FRMD8: variants seen among roughly 807,000 people sequenced by gnomAD.
FRMD8 encodes FERM domain containing 8, also known as FERM domain-containing protein 8.
In FRMD8, 37 loss-of-function variants were observed where a neutral mutation model predicts 54.2. That is an observed-to-expected ratio of 0.68 (90% CI 0.53 to 0.90). FRMD8 has a LOEUF of 0.90. Among genes scored for constraint, FRMD8 ranks in the 40% least tolerant of loss-of-function variants. The pLI is 0.00. For synonymous variants in FRMD8, 246 were observed against 286.9 expected (o/e 0.86, Z 1.44); for missense variants, 585 against 653.7 (o/e 0.89, Z 1.15).
chr11:65,403,590 T>C, intron 9 of FRMD8, among the ~76,000 whole-genome samples: 1 of 152,226 alleles, frequency 6.6e-6, no homozygotes, highest in Admixed American at 6.5e-5. Flanking sequence ...ACAGTGCTTC[T>C]GACCCCCAGT....
the FRMD8 span, chr11:65,381,583 TTTG>T: frequency 1.2e-5 from 2 of 163,186 alleles, no homozygotes; most frequent in East Asian, 1.6e-4. Flanking sequence ...TTTTTTTTTT[TTTG>T]TGGCAGGGTC....
In FRMD8 at chr11:65,400,982, T is replaced by G; in HGVS notation, c.1071+115T>G. The G allele has an allele frequency of 1.6e-6, 2 of 1,238,162 alleles. No homozygotes were observed. The highest frequency in any genetic ancestry group is 2.2e-6 in the Non-Finnish European group (2 of 909,666). The allele number at this position is 1,238,162 out of a possible 1,614,324, so 76.7% of individuals were successfully genotyped here. The stretch of plus-strand genomic sequence containing the variant: ...AGGAGGTGAGAAGCTGCCTTGGGCC[T>G]GAGGATGAAAGCGGCCTGGGCACAA... On this transcript the variant is annotated intron_variant, in intron 9 of 10. Transcript: ENST00000317568. This position sits in a 1 kb window ranked among gnomAD's most constrained non-coding sequence, Gnocchi z 4.3.
chr11:65,377,230 G>A, the FRMD8 span: 49 of 1,435,348 alleles, frequency 3.4e-5, no homozygotes, highest in Admixed American at 2.0e-4. Context: ...ATGTGTGGCT[G>A]GGATGGCCAG....
At chr11:65,397,070 G>A (rs1470657326) in intron 7 of FRMD8, 50 bp downstream of exon 7, 1 of 1,103,404 alleles carries the variant, frequency 9.1e-7, no homozygotes, top group African/African-American at 1.6e-5. Context: ...GGCTGTTCTT[G>A]GGCTTTGCTA....
At chr11:65,374,238 A>G in the FRMD8 span, among the ~76,000 whole-genome samples, 3 of 142,960 alleles carry the variant, frequency 2.1e-5, no homozygotes, top group African/African-American at 7.6e-5. Context: ...GTGACGTAGT[A>G]TGGTCCCGGC....
the FRMD8 span, chr11:65,377,156 G>T: frequency 6.6e-7 from 1 of 1,510,886 alleles, no homozygotes. Context: ...GAGGAAGGAG[G>T]CAGGCAGGGG....
the FRMD8 span, among the ~76,000 whole-genome samples, chr11:65,372,215 A>T: frequency 6.6e-6 from 1 of 152,164 alleles, no homozygotes; most frequent in East Asian, 1.9e-4. Flanking sequence ...CCTAGCCAAC[A>T]TCTAGATTTT....
intron 4 of FRMD8, 107 bp downstream of exon 4, chr11:65,393,781 G>GGGAGAT: frequency 1.0e-6 from 1 of 978,482 alleles, no homozygotes; most frequent in Non-Finnish European, 1.6e-6. Flanking sequence ...CTGGCTGAGG[G>GGGAGAT]GCAGGGCCTG....
At chr11:65,397,047 C>T (rs1248536195) in intron 7 of FRMD8, 27 bp downstream of exon 7, 3 of 1,290,378 alleles carry the variant, frequency 2.3e-6, no homozygotes, top group Non-Finnish European at 3.1e-6. Context: ...CGCGGTCCCC[C>T]ACCCCCTCCG....
chr11:65,377,107 T>G, the FRMD8 span: 2 of 1,599,484 alleles, frequency 1.3e-6, no homozygotes, highest in African/African-American at 1.3e-5. Flanking sequence ...GGGCCCCGGG[T>G]GGGGCTTTGG....
At chr11:65,399,660 C>A in intron 7 of FRMD8, 76 bp from the exon 8 acceptor site, 1 of 1,560,402 alleles carries the variant, frequency 6.4e-7, no homozygotes, top group South Asian at 1.2e-5. Context: ...TTCCTCAGAG[C>A]CCAGGTTGGG....
chr11:65,379,246 A>T, the FRMD8 span: 1 of 1,063,498 alleles, frequency 9.4e-7, no homozygotes, highest in Non-Finnish European at 1.4e-6. Context: ...AGGCCATAGC[A>T]CAGGCCTCTT....
At chr11:65,405,174 G>A in intron 10 of FRMD8, 106 bp downstream of exon 10, 1 of 1,108,804 alleles carries the variant, frequency 9.0e-7, no homozygotes, top group Non-Finnish European at 1.3e-6. Flanking sequence ...CAGACCCAGT[G>A]TGAGCTGGCC....
At chr11:65,389,804 C>G (rs1238775351) in intron 3 of FRMD8, among the ~76,000 whole-genome samples, 1 of 152,050 alleles carries the variant, frequency 6.6e-6, no homozygotes, top group Non-Finnish European at 1.5e-5. Flanking sequence ...GGTCCAGGAA[C>G]AGTACCGCAG....
chr11:65,411,418 C>T lies in FRMD8; in HGVS notation c.*58C>T. 3 of 1,197,654 alleles carry T rather than the reference C, an allele frequency of 2.5e-6. No homozygotes were observed. In the Admixed American group the frequency reaches 8.2e-5, roughly 33 times the overall value. The allele number at this position is 1,197,654 out of a possible 1,614,324, so 74.2% of individuals were successfully genotyped here. On this transcript the variant is annotated 3_prime_UTR_variant, in exon 11 of 11. Coordinates refer to ENST00000317568, the MANE Select transcript of FRMD8 (RefSeq NM_031904.5). Reference sequence around the variant, plus strand: ...GGGGCCCTGGCCCGGCACTGTCCTCCTGAGGGGCAGGCGCCGGCTGCAACA... The same window carrying T: ...GGGGCCCTGGCCCGGCACTGTCCTCTTGAGGGGCAGGCGCCGGCTGCAACA...
intron 9 of FRMD8, among the ~76,000 whole-genome samples, chr11:65,401,128 G>A (rs945377782): frequency 8.5e-5 from 13 of 152,082 alleles, no homozygotes; most frequent in African/African-American, 3.1e-4. Flanking sequence ...TTGAGGGCTT[G>A]CTGAGTGCTT....
At chr11:65,398,498 G>A (rs761309304) in intron 7 of FRMD8, among the ~76,000 whole-genome samples, 4 of 152,252 alleles carry the variant, frequency 2.6e-5, no homozygotes, top group African/African-American at 9.6e-5. Flanking sequence ...GGGCCCCCCA[G>A]CAAGGCAGGA....
chr11:65,385,393 A>G (rs1855713583), upstream of FRMD8, among the ~76,000 whole-genome samples: 1 of 152,192 alleles, frequency 6.6e-6, no homozygotes, highest in Non-Finnish European at 1.5e-5. Flanking sequence ...GCTGGTTCAC[A>G]TACCAAAGAA....
At chr11:65,387,561 C>T (rs920835159) in intron 2 of FRMD8, among the ~76,000 whole-genome samples, 1 of 152,016 alleles carries the variant, frequency 6.6e-6, no homozygotes, top group Non-Finnish European at 1.5e-5. Flanking sequence ...CTTTCTTTGA[C>T]AGAGTCTCCC....
Sources: allele counts gnomAD v4.1 joint callset (sites outside exome capture counted in the v4.1 genomes callset), GRCh38; gene constraint gnomAD v4.1.1; non-coding constraint Gnocchi (gnomAD v3.1); transcripts MANE v1.5; gene names NCBI Gene and HGNC (gene_info 2026-07-23, HGNC 2026-07-21).